Variants in GABBR2 observed in about 807,000 individuals in gnomAD.
GABBR2 encodes the protein G-protein coupled receptor 51.
A neutral mutation model predicts 105.6 loss-of-function variants in GABBR2; 23 were observed. The ratio of observed to expected loss-of-function variants is 0.22; its 90% confidence interval spans 0.16 to 0.31. The LOEUF is 0.31. Among genes scored for constraint, GABBR2 ranks in the 10% least tolerant of loss-of-function variants. The probability of loss-of-function intolerance (pLI) is 1.00; values close to 1 mark genes in which losing one functional copy is unlikely to be tolerated. For missense variants in GABBR2, 734 were observed against 1,245.5 expected (o/e 0.59, Z 6.18); for synonymous variants, 478 against 499.7 (o/e 0.96, Z 0.58).
chr9:98,608,397 T>C (rs1459700919), intron 1 of GABBR2, among the ~76,000 whole-genome samples: 2 of 152,230 alleles, frequency 1.3e-5, no homozygotes, highest in Admixed American at 6.5e-5. Flanking sequence ...TTATCTTCAG[T>C]TGAATGCAAG....
chr9:98,569,713 T>C (rs1257230509), intron 2 of GABBR2, among the ~76,000 whole-genome samples: 1 of 152,106 alleles, frequency 6.6e-6, no homozygotes, highest in African/African-American at 2.4e-5. Context: ...CCCTACCCCA[T>C]CTGGTCTCTG....
At chr9:98,292,121 T>C (rs1196065682) in intron 18 of GABBR2, among the ~76,000 whole-genome samples, 1 of 152,240 alleles carries the variant, frequency 6.6e-6, no homozygotes, top group Non-Finnish European at 1.5e-5. Context: ...TGCACAGTTC[T>C]CCATGGGTGC....
rs759631577 is a variant in GABBR2 at position 98,453,965 on chromosome 9, G to A, written c.1236+16C>T. 6.4e-7 allele frequency: 1 copy of A among 1,558,668 alleles called. No individual in the cohort carries two copies. Among genetic ancestry groups the A allele is most frequent in the Non-Finnish European group, 8.9e-7 (1 of 1,129,380 alleles). On this transcript the variant is annotated intron_variant, in intron 7 of 18. Transcript: ENST00000259455. ...AAGGAACACTAAGGAAAACAGCCCA[G>A]AGGCATGGGACTGACCGTGACCCCG...
chr9:98,464,633 T>A (rs567189181), intron 6 of GABBR2, among the ~76,000 whole-genome samples: 20 of 146,182 alleles, frequency 1.4e-4, no homozygotes, highest in African/African-American at 5.1e-4. Flanking sequence ...ACAGCGACCA[T>A]CGAGAATGGG....
chr9:98,394,109 T>G (rs1390580515), intron 9 of GABBR2, 66 bp downstream of exon 9: 7 of 1,149,022 alleles, frequency 6.1e-6, no homozygotes, highest in Non-Finnish European at 9.2e-6. Context: ...CCCTAACCCT[T>G]AGACAATGTC....
chr9:98,368,515 C>T (rs1831721258), intron 12 of GABBR2, among the ~76,000 whole-genome samples: 1 of 152,146 alleles, frequency 6.6e-6, no homozygotes, highest in South Asian at 2.1e-4. Flanking sequence ...CCCATGGCCT[C>T]TGGTGACCAC....
At chr9:98,536,892 A>C (rs1409185923) in intron 3 of GABBR2, among the ~76,000 whole-genome samples, 2 of 151,750 alleles carry the variant, frequency 1.3e-5, no homozygotes, top group Non-Finnish European at 2.9e-5. Context: ...GCCTCCCTCC[A>C]CCTTCTCCAT....
At chr9:98,513,112 A>T (rs1005662712) in intron 3 of GABBR2, among the ~76,000 whole-genome samples, 1 of 152,234 alleles carries the variant, frequency 6.6e-6, no homozygotes, top group Non-Finnish European at 1.5e-5. Context: ...CACATCTACA[A>T]CTATCTGATC....
chr9:98,499,210 C>T (rs1368484218), intron 3 of GABBR2, among the ~76,000 whole-genome samples: 2 of 152,190 alleles, frequency 1.3e-5, no homozygotes, highest in Non-Finnish European at 2.9e-5. Flanking sequence ...CTTTGGTATC[C>T]ACATGTGTGT....
At chr9:98,627,336 C>A (rs1469618386) in intron 1 of GABBR2, among the ~76,000 whole-genome samples, 1 of 152,142 alleles carries the variant, frequency 6.6e-6, no homozygotes, top group African/African-American at 2.4e-5. Context: ...CCACCAGAAG[C>A]TTGGTAGGGA....
intron 1 of GABBR2, among the ~76,000 whole-genome samples, chr9:98,583,093 A>T (rs1245178708): frequency 6.6e-6 from 1 of 152,206 alleles, no homozygotes; most frequent in African/African-American, 2.4e-5. Flanking sequence ...TCTCCTCCAG[A>T]TCAGAGCTCT....
At chr9:98,511,582 C>G (rs985979959) in intron 3 of GABBR2, among the ~76,000 whole-genome samples, 17 of 151,972 alleles carry the variant, frequency 1.1e-4, no homozygotes, top group African/African-American at 3.6e-4. Context: ...GATATCACCA[C>G]CGATCCCATA....
At chr9:98,535,533 A>T (rs1172441021) in intron 3 of GABBR2, among the ~76,000 whole-genome samples, 5 of 152,216 alleles carry the variant, frequency 3.3e-5, no homozygotes, top group Admixed American at 3.3e-4. Context: ...TATTAAAGGT[A>T]ATCTAGAGAT....
chr9:98,623,316 C>T (rs1829693301), intron 1 of GABBR2, among the ~76,000 whole-genome samples: 2 of 152,120 alleles, frequency 1.3e-5, no homozygotes, highest in Admixed American at 1.3e-4. Flanking sequence ...TCAATCCCAA[C>T]TACTTGGGAG....
rs73499046 is a variant in GABBR2 at position 98,388,208 on chromosome 9, C to T, written c.1529+646G>A. Among the ~76,000 whole-genome samples the T allele has an allele frequency of 0.041, 6,176 of 152,232 alleles. 445 individuals carry two copies. The highest frequency in any genetic ancestry group is 0.14 in the African/African-American group (5,818 of 41,504). The stretch of plus-strand genomic sequence containing the variant: ...TCTCTCCTCTGGAGAATTAAGGGCA[C>T]GTGGTGGGGAAAAGAAATTAAGACA... On this transcript the variant is annotated intron_variant, in intron 10 of 18. Coordinates refer to ENST00000259455, the MANE Select transcript of GABBR2 (RefSeq NM_005458.8). The surrounding 1 kb of genome is among the most constrained non-coding windows in gnomAD (Gnocchi z 4.4).
Position 98,626,654 on chromosome 9 carries a change from C to G in GABBR2, c.322-48582G>C, listed in dbSNP as rs983934723. Among the ~76,000 whole-genome samples, 10 of 152,154 alleles carry G rather than the reference C, an allele frequency of 6.6e-5. No individual in the cohort carries two copies. In the East Asian group the frequency reaches 1.7e-3, roughly 26 times the overall value. ...GTTGGAGTTAGATTATGTAAATAGC[C>G]GTACTTGAAAAGGCTTGGCTCATTA... On this transcript the variant is annotated intron_variant, in intron 1 of 18. Coordinates refer to ENST00000259455, the MANE Select transcript of GABBR2 (RefSeq NM_005458.8).
chr9:98,646,078 G>T (rs1476790210), intron 1 of GABBR2, among the ~76,000 whole-genome samples: 4 of 152,134 alleles, frequency 2.6e-5, no homozygotes, highest in Admixed American at 2.0e-4. Context: ...TAACACAGCG[G>T]GTCTGAGACT....
chr9:98,349,451 G>A (rs1831359357), intron 13 of GABBR2, among the ~76,000 whole-genome samples: 1 of 141,852 alleles, frequency 7.0e-6, no homozygotes, highest in South Asian at 2.4e-4. Flanking sequence ...CTCCTGGGTT[G>A]CAAGCGATTC....
chr9:98,480,825 C>T, intron 5 of GABBR2, 107 bp downstream of exon 5: 1 of 745,082 alleles, frequency 1.3e-6, no homozygotes, highest in South Asian at 1.5e-5. Context: ...GGAACCCAGG[C>T]TCCAGTCCTG....
Sources: gnomAD v4.1 joint callset for allele counts (sites outside exome capture counted in the v4.1 genomes callset) on GRCh38, gnomAD v4.1.1 for gene constraint, Gnocchi (gnomAD v3.1) non-coding constraint, MANE v1.5 for transcripts, NCBI Gene and HGNC (gene_info 2026-07-23, HGNC 2026-07-21) for gene names.